SEC31B: variants seen among roughly 807,000 people sequenced by gnomAD.
SEC31B encodes the protein SEC31 homolog B, COPII component.
In SEC31B, 113 loss-of-function variants were observed where a neutral mutation model predicts 135.0. That is an observed-to-expected ratio of 0.84 (90% confidence interval 0.72 to 0.98). SEC31B has a LOEUF of 0.98. SEC31B is among the 50% of genes least tolerant of loss of function. The pLI, the probability that SEC31B is intolerant of heterozygous loss-of-function variation, is 0.00. For missense variants in SEC31B, 1,296 were observed against 1,421.1 expected, an observed-to-expected ratio of 0.91 and a Z score of 1.42; for synonymous variants, 508 against 549.4, an observed-to-expected ratio of 0.92 and a Z score of 1.05.
In SEC31B at chr10:100,489,084, A is replaced by C. The variant is rs1046155651; in HGVS notation, c.3172-110T>G. On this transcript the variant is annotated intron_variant, in intron 23 of 25. Coordinates refer to ENST00000370345, the MANE Select transcript of SEC31B (RefSeq NM_015490.4). Reference sequence around the variant, plus strand: ...ACAGTCACACTGTTCCCATTACAGCAGAGTTGGGGAGATGAGCAGCCTCCC... The same window carrying C: ...ACAGTCACACTGTTCCCATTACAGCCGAGTTGGGGAGATGAGCAGCCTCCC... 5 of 1,486,086 alleles carry C rather than the reference A, an allele frequency of 3.4e-6. No homozygotes were observed. The African/African-American group carries it at 5.6e-5, about 17-fold the overall frequency. The allele number at this position is 1,486,086 out of a possible 1,614,324, so 92.1% of individuals were successfully genotyped here. A position where few individuals can be genotyped will look rare whatever the true frequency, so the allele number is the denominator to read the frequency against.
chr10:100,508,134 C>G, intron 5 of SEC31B, 83 bp from the exon 6 acceptor site: 2 of 1,541,868 alleles, frequency 1.3e-6, no homozygotes, highest in Non-Finnish European at 1.8e-6. Flanking sequence ...CTCCCAGCCA[C>G]CCACAGCAAG....
At chr10:100,508,620 TA>T in intron 5 of SEC31B, 1 of 421,174 alleles carries the variant, frequency 2.4e-6, no homozygotes, top group Non-Finnish European at 4.6e-6. Context: ...CCCCCCTCCA[TA>T]AAAAGGACAA....
At chr10:100,517,338 C>T (rs1174424775) in intron 1 of SEC31B, among the ~76,000 whole-genome samples, 1 of 152,182 alleles carries the variant, frequency 6.6e-6, no homozygotes, top group East Asian at 1.9e-4. Flanking sequence ...CAAATCTCTC[C>T]TCTAAGCTCC....
At chr10:100,488,796 T>C in intron 24 of SEC31B, 62 bp downstream of exon 24, 4 of 1,511,562 alleles carry the variant, frequency 2.6e-6, no homozygotes, top group Non-Finnish European at 3.5e-6. Flanking sequence ...GGTCCACAGC[T>C]GAGGGGTCCT....
At position 100,499,579 on chromosome 10, in the gene SEC31B, G is replaced by C. The variant is rs1307166963; in HGVS notation, c.1430C>G (p.Ser477Cys). ...QFLKVTLEQD[S>C]RMKFLKLLGY... ...TAAAAGCTTTAGGAATTTCATTCTG[G>C]AGTCTTGCTCTAAGGTCACCTAAGA... The change falls in exon 12 of 26, where the codon TCC becomes TGC. Residue 477 changes from serine (S) to cysteine (C), a missense_variant. Transcript: ENST00000370345. 1.2e-6 allele frequency: 2 copies of C among 1,611,768 alleles called. No individual in the cohort carries two copies. The highest frequency in any genetic ancestry group is 1.7e-6 in the Non-Finnish European group (2 of 1,179,158).
chr10:100,489,186 C>A, intron 23 of SEC31B, 66 bp downstream of exon 23: 1 of 1,525,124 alleles, frequency 6.6e-7, no homozygotes, highest in Non-Finnish European at 8.8e-7. Flanking sequence ...GGCCCATCTA[C>A]CATGACCTGC....
At chr10:100,497,394 A>T in intron 16 of SEC31B, 114 bp from the exon 17 acceptor site, 1 of 1,533,886 alleles carries the variant, frequency 6.5e-7, no homozygotes, top group Non-Finnish European at 8.8e-7. Flanking sequence ...GCAGTTTAAG[A>T]CAACACTGAG....
chr10:100,496,380 CCCG>C lies in SEC31B; in HGVS notation c.2185_2187del (p.Arg729del). On this transcript the variant is annotated inframe_deletion, in exon 18 of 26. Coordinates refer to ENST00000370345, the MANE Select transcript of SEC31B (RefSeq NM_015490.4). ...GGGCCTGGGCTCACCCCATGAGGAC[CCCG>C]CAGTTGCTCCAAGCTCCTGTTAAGA... 1 of 1,614,170 alleles carries C rather than the reference CCCG, an allele frequency of 6.2e-7. No individual in the cohort carries two copies. The highest frequency in any genetic ancestry group is 8.5e-7 in the Non-Finnish European group (1 of 1,180,022).
chr10:100,518,094 A>G (rs1851882375), intron 1 of SEC31B, among the ~76,000 whole-genome samples: 1 of 152,220 alleles, frequency 6.6e-6, no homozygotes, highest in East Asian at 1.9e-4. Context: ...TTCTAAAATA[A>G]AAAATGATTT....
chr10:100,509,007 C>T lies in SEC31B; in HGVS notation c.495G>A (p.Gln165=). ...NVPMTLGSKS[Q]QPPEDIKALS... ...GTTGGGTAGTGGGGGTGCTGCTCAC[C>T]TGTGACTTGGATCCCAGGGTCATTG... is the stretch of plus-strand genomic sequence containing the variant. Residue 165 remains glutamine, a splice_region_variant and synonymous_variant, in exon 5 of 26, where the codon CAG becomes CAA. Coordinates refer to ENST00000370345, the MANE Select transcript of SEC31B (RefSeq NM_015490.4). 6.2e-7 allele frequency: 1 copy of T among 1,613,348 alleles called. No homozygotes were observed. The highest frequency in any genetic ancestry group is 1.1e-5 in the South Asian group (1 of 91,050).
At chr10:100,516,360 A>AACGTTGGCTGGGC in intron 2 of SEC31B, 141 bp from the exon 3 acceptor site, 1 of 1,067,976 alleles carries the variant, frequency 9.4e-7, no homozygotes, top group Non-Finnish European at 1.3e-6. Context: ...AAAGCAAGAA[A>AACGTTGGCTGGGC]ACGTTGGCTG....
chr10:100,507,679 A>AG, intron 6 of SEC31B, 112 bp from the exon 7 acceptor site: 1 of 1,438,718 alleles, frequency 7.0e-7, no homozygotes, highest in Non-Finnish European at 9.6e-7. Context: ...GGAACACCAC[A>AG]GGCATCAGAG....
rs867668466 is a variant in SEC31B at position 100,489,087 on chromosome 10, G to C, written c.3172-113C>G. On this transcript the variant is annotated intron_variant, in intron 23 of 25. Coordinates refer to ENST00000370345, the MANE Select transcript of SEC31B (RefSeq NM_015490.4). ...GTCACACTGTTCCCATTACAGCAGA[G>C]TTGGGGAGATGAGCAGCCTCCCTTT... 9.4e-6 allele frequency: 14 copies of C among 1,487,482 alleles called. No individual in the cohort carries two copies. In the Middle Eastern group the frequency reaches 1.9e-3, roughly 202 times the overall value. 92.1% of individuals were successfully genotyped at this position (1,487,482 alleles called of 1,614,324 possible).
At chr10:100,505,067 G>C (rs7071271) in intron 10 of SEC31B, among the ~76,000 whole-genome samples, 1 of 151,918 alleles carries the variant, frequency 6.6e-6, no homozygotes, top group South Asian at 2.1e-4. Flanking sequence ...GACACGTAAG[G>C]GTTAGAGAAA....
chr10:100,504,110 G>T lies in SEC31B; in HGVS notation c.1179+1251C>A, dbSNP rs114533543. 2.3e-3 allele frequency among the ~76,000 whole-genome samples: 350 copies of T among 152,296 alleles called. 1 individual carries two copies. The highest frequency in any genetic ancestry group is 7.8e-3 in the African/African-American group (326 of 41,562). On this transcript the variant is annotated intron_variant, in intron 10 of 25. Coordinates refer to ENST00000370345, the MANE Select transcript of SEC31B (RefSeq NM_015490.4). ...TTTCTGGGCAGGCATCACTATCCCTGTTTTACCGATAAGAACGGTTAAGTC... is the reference window on the plus strand; with the variant it reads ...TTTCTGGGCAGGCATCACTATCCCTTTTTTACCGATAAGAACGGTTAAGTC...
At chr10:100,514,306 G>A (rs910415654) in intron 3 of SEC31B, among the ~76,000 whole-genome samples, 8 of 152,138 alleles carry the variant, frequency 5.3e-5, no homozygotes, top group South Asian at 2.1e-4. Flanking sequence ...CCACTACTAC[G>A]CTGAAGCTGT....
At chr10:100,502,028 T>C (rs763595455) in intron 11 of SEC31B, among the ~76,000 whole-genome samples, 1 of 152,254 alleles carries the variant, frequency 6.6e-6, no homozygotes, top group Non-Finnish European at 1.5e-5. Flanking sequence ...ACATCTCGTG[T>C]ATTCCCCATC....
rs530558976 is a variant in SEC31B, at chr10:100,492,528, C to T, written c.2473-1645G>A. On this transcript the variant is annotated intron_variant, in intron 19 of 25. Transcript: ENST00000370345. ...TGAGCCACAGCGCCTGGCTTATGTT[C>T]ACTATTCTTATTTAACAGAGACTGG... 8.1e-4 allele frequency among the ~76,000 whole-genome samples: 123 copies of T among 152,242 alleles called. 1 individual carries two copies. The highest frequency in any genetic ancestry group is 2.8e-3 in the African/African-American group (117 of 41,548).
chr10:100,507,566 A>C lies in SEC31B; in HGVS notation c.641T>G (p.Met214Arg). The C allele has an allele frequency of 6.2e-7, 1 of 1,614,220 alleles. No homozygotes were observed. The highest frequency in any genetic ancestry group is 1.1e-5 in the South Asian group (1 of 91,092). Residue 214 changes from methionine (M) to arginine (R), a missense_variant and splice_region_variant, in exon 7 of 26, where the codon ATG becomes AGG. Physicochemically the swap from Met to Arg is moderately conservative, Grantham distance 91. Transcript: ENST00000370345. ...IIKVSDHSNR[M>R]HCSGLAWHPD... ...ATGCCAGGCCAGGCCTGAGCAGTGC[A>C]TCTGTGAACAAAGCAGATCCCAATG...
Sources: allele counts gnomAD v4.1 joint callset (sites outside exome capture counted in the v4.1 genomes callset), GRCh38; gene constraint gnomAD v4.1.1; transcripts MANE v1.5; gene names NCBI Gene and HGNC (gene_info 2026-07-23, HGNC 2026-07-21).